The following DOK7 variants were observed in gnomAD, a reference collection of about 807,000 sequenced individuals.
DOK7 encodes the protein docking protein 7.
In DOK7, 32 loss-of-function variants were observed where a neutral mutation model predicts 30.7. The observed-to-expected ratio is 1.04, with a 90% confidence interval of 0.79 to 1.40. The LOEUF (loss-of-function observed/expected upper bound fraction) is 1.40, where lower values mean the gene tolerates loss of function less well. Among genes scored for constraint, DOK7 ranks in the 40% most tolerant of loss-of-function variants. The pLI is 0.00. For synonymous variants in DOK7, 447 were observed against 324.1 expected (o/e 1.38, Z -4.07); for missense variants, 1,007 against 699.2 (o/e 1.44, Z -4.97).
At chr4:3,496,656 G>A (rs1010114608), downstream of DOK7, among the ~76,000 whole-genome samples, 5 of 152,020 alleles carry the variant, frequency 3.3e-5, no homozygotes, top group Non-Finnish European at 7.4e-5. Flanking sequence ...AAAGGGCCCT[G>A]GAGAGAAGGC....
downstream of DOK7, among the ~76,000 whole-genome samples, chr4:3,496,176 C>T (rs188619913): frequency 2.6e-5 from 4 of 152,376 alleles, no homozygotes; most frequent in East Asian, 1.9e-4. Flanking sequence ...CTCCCGCAAG[C>T]GCCCTTCAGA....
In DOK7 at chr4:3,493,519, C is replaced by A. The variant is rs1434909253; in HGVS notation, c.*18C>A. ...CTCCTTGAGAGCCGCAGATCCCGCC[C>A]CGCGGCTGCAAAGGGGCTGAATTTG... On this transcript the variant is annotated 3_prime_UTR_variant, in exon 7 of 7. Transcript: ENST00000340083. The A allele has an allele frequency of 1.9e-6, 3 of 1,608,606 alleles. No homozygotes were observed. The highest frequency in any genetic ancestry group is 2.5e-6 in the Non-Finnish European group (3 of 1,178,082).
intron 4 of DOK7, among the ~76,000 whole-genome samples, chr4:3,482,122 T>C (rs1242466012): frequency 6.6e-6 from 1 of 152,204 alleles, no homozygotes; most frequent in Non-Finnish European, 1.5e-5. Context: ...GACACCCGTT[T>C]GTGCTCAAAG....
At chr4:3,496,581 G>C (rs950585797), downstream of DOK7, among the ~76,000 whole-genome samples, 4 of 152,216 alleles carry the variant, frequency 2.6e-5, no homozygotes, top group Admixed American at 2.0e-4. Flanking sequence ...GGGTGGTTAT[G>C]GGGGCTACCA....
downstream of DOK7, among the ~76,000 whole-genome samples, chr4:3,499,121 A>G (rs1026534387): frequency 2.6e-5 from 4 of 152,152 alleles, no homozygotes; most frequent in Admixed American, 2.0e-4. Flanking sequence ...CCACAGGAGA[A>G]CCTGGTCTGC....
chr4:3,473,421 T>C lies in DOK7; in HGVS notation c.116T>C (p.Leu39Pro), dbSNP rs1176094450. 1 of 1,610,912 alleles carries C rather than the reference T, an allele frequency of 6.2e-7. No individual in the cohort carries two copies. Among genetic ancestry groups the C allele is most frequent in the East Asian group, 2.2e-5 (1 of 44,874 alleles). ...CTCCTTGCAGACTGCCTGCTGATGC[T>C]GGTCTACAAGGACAAGTCGGAGCGT... is the stretch of plus-strand genomic sequence containing the variant. ...PSPVADCLLM[L>P]VYKDKSERIK... Residue 39 changes from leucine (L) to proline (P), a missense_variant, in exon 3 of 7, where the codon CTG becomes CCG. Physicochemically the swap from Leu to Pro is moderately conservative, Grantham distance 98 (BLOSUM62 -3). Transcript: ENST00000340083.
intron 4 of DOK7, among the ~76,000 whole-genome samples, chr4:3,476,989 G>T (rs980732342): frequency 1.3e-5 from 2 of 152,214 alleles, no homozygotes; most frequent in Non-Finnish European, 2.9e-5. Flanking sequence ...GCCCAGAGCT[G>T]CCCTAATGTC....
intron 4 of DOK7, among the ~76,000 whole-genome samples, chr4:3,482,313 G>A (rs954715570): frequency 1.3e-5 from 2 of 152,232 alleles, no homozygotes; most frequent in African/African-American, 4.8e-5. Flanking sequence ...GGTGCTGCCT[G>A]GGGTCCCTCG....
intron 2 of DOK7, among the ~76,000 whole-genome samples, chr4:3,471,836 T>C (rs1426452040): frequency 6.6e-6 from 1 of 152,244 alleles, no homozygotes; most frequent in Non-Finnish European, 1.5e-5. Context: ...CTTTCTCAAA[T>C]TGGGAATGCC....
chr4:3,497,554 G>A (rs1728982585), downstream of DOK7, among the ~76,000 whole-genome samples: 2 of 152,118 alleles, frequency 1.3e-5, no homozygotes, highest in South Asian at 2.1e-4. Flanking sequence ...GGGTAGATGG[G>A]TGGCATCAGG....
At chr4:3,495,608 G>A (rs1728862915), downstream of DOK7, among the ~76,000 whole-genome samples, 1 of 152,234 alleles carries the variant, frequency 6.6e-6, no homozygotes, top group African/African-American at 2.4e-5. Flanking sequence ...TCCAGCCTCA[G>A]TACCCAGTTC....
At chr4:3,463,662 G>A in intron 2 of DOK7, 111 bp downstream of exon 2, 1 of 1,377,692 alleles carries the variant, frequency 7.3e-7, no homozygotes, top group Admixed American at 2.0e-5. Context: ...CACCCCGCCG[G>A]GAAACCCGAG....
intron 6 of DOK7, chr4:3,500,191 T>C: frequency 6.6e-7 from 1 of 1,517,184 alleles, no homozygotes. Context: ...TACTGCACAA[T>C]CTTTGAGATC....
rs747520178 is a variant in DOK7, at chr4:3,492,887, C to T, written c.901C>T (p.Pro301Ser). The change falls in exon 7 of 7, where the codon CCA becomes TCA. Residue 301 changes from proline to serine, a missense_variant. Physicochemically the swap from Pro to Ser is moderately conservative, Grantham distance 74 (BLOSUM62 -1). Coordinates refer to ENST00000340083, the MANE Select transcript of DOK7 (RefSeq NM_173660.5). ...CAGCACGTCACAGGAGGGGCCTAGA[C>T]CAGCAGCTGCCCAGGCCGCCGGGGA... The part of the protein sequence containing the change: ...SASTSQEGPR[P>S]AAAQAAGEAM... The T allele has an allele frequency of 1.3e-6, 2 of 1,597,294 alleles. No individual in the cohort carries two copies. Among genetic ancestry groups the T allele is most frequent in the Non-Finnish European group, 1.7e-6 (2 of 1,173,996 alleles).
intron 6 of DOK7, among the ~76,000 whole-genome samples, chr4:3,492,395 C>T (rs1728528817): frequency 6.9e-6 from 1 of 145,306 alleles, no homozygotes; most frequent in African/African-American, 2.5e-5. Flanking sequence ...CCAGGTGGCC[C>T]TGGAAGGTAG....
At chr4:3,495,139 C>T (rs534222701), downstream of DOK7, among the ~76,000 whole-genome samples, 11 of 152,312 alleles carry the variant, frequency 7.2e-5, no homozygotes, top group African/African-American at 2.2e-4. Flanking sequence ...CTCTTGCAAA[C>T]GGGATGACAG....
At chr4:3,490,992 C>G (rs1427896759) in intron 6 of DOK7, among the ~76,000 whole-genome samples, 12 of 93,428 alleles carry the variant, frequency 1.3e-4, no homozygotes, top group Admixed American at 1.1e-4. Context: ...CCTGCTCATT[C>G]ATTCCTTCCT....
At chr4:3,481,957 T>G (rs921203403) in intron 4 of DOK7, among the ~76,000 whole-genome samples, 1 of 152,118 alleles carries the variant, frequency 6.6e-6, no homozygotes, top group African/African-American at 2.4e-5. Context: ...AACCCCAGCC[T>G]CTGTCCAGAG....
intron 1 of DOK7, 21 bp downstream of exon 1, chr4:3,463,450 C>CGGGGGGGGGGGGGGG (rs71180187): frequency 3.7e-5 from 45 of 1,230,626 alleles, no homozygotes; most frequent in South Asian, 1.8e-4. Flanking sequence ...GTCGGGGGCG[C>CGGGGGGGGGGGGGGG]GGGGGGGGGG....
Sources: allele counts gnomAD v4.1 joint callset (sites outside exome capture counted in the v4.1 genomes callset), GRCh38; gene constraint gnomAD v4.1.1; transcripts MANE v1.5; gene names NCBI Gene and HGNC (gene_info 2026-07-23, HGNC 2026-07-21).